The following UBAP2L variants were observed in gnomAD, a reference collection of about 807,000 sequenced individuals.
The protein encoded by UBAP2L is ubiquitin-associated protein 2-like.
Under a neutral mutation model 130.6 loss-of-function variants are expected in UBAP2L, and 12 were observed. The ratio of observed to expected loss-of-function variants is 0.09; its 90% CI spans 0.06 to 0.15. UBAP2L has a LOEUF of 0.15. Ranked by LOEUF, UBAP2L falls within the 10% of genes least tolerant of loss-of-function variation. The probability of loss-of-function intolerance (pLI) is 1.00; values close to 1 mark genes in which losing one functional copy is unlikely to be tolerated. For missense variants in UBAP2L, 965 were observed against 1,332.5 expected (o/e 0.72, Z 4.29); for synonymous variants, 503 against 524.7 (o/e 0.96, Z 0.57).
intron 12 of UBAP2L, among the ~76,000 whole-genome samples, chr1:154,249,867 A>G (rs1014525054): frequency 4.3e-5 from 5 of 117,228 alleles, no homozygotes; most frequent in African/African-American, 1.5e-4. Flanking sequence ...CTTTCCGCAA[A>G]AAAAAAAAAA....
intron 22 of UBAP2L, 34 bp downstream of exon 22, chr1:154,260,063 G>A (rs1190147562): frequency 6.2e-7 from 1 of 1,603,644 alleles, no homozygotes; most frequent in South Asian, 1.1e-5. Flanking sequence ...AAATAAAAAG[G>A]GAGATAGTGT....
chr1:154,227,388 T>C, intron 3 of UBAP2L, 29 bp downstream of exon 3: 9 of 1,583,122 alleles, frequency 5.7e-6, no homozygotes, highest in Non-Finnish European at 7.8e-6. Context: ...TACTGTACAC[T>C]ATGAGAAAAG....
intron 11 of UBAP2L, among the ~76,000 whole-genome samples, chr1:154,248,768 A>T (rs1676504253): frequency 6.6e-6 from 1 of 152,186 alleles, no homozygotes; most frequent in African/African-American, 2.4e-5. Flanking sequence ...GTGAGCCGAG[A>T]TAGCACCACT....
At chr1:154,269,104 C>A in intron 26 of UBAP2L, 150 bp downstream of exon 26, 2 of 1,023,082 alleles carry the variant, frequency 2.0e-6, no homozygotes, top group Non-Finnish European at 2.9e-6. Context: ...CATACAGACA[C>A]AAGCGCACAT....
chr1:154,226,530 T>C (rs972262073), intron 2 of UBAP2L, among the ~76,000 whole-genome samples: 2 of 152,212 alleles, frequency 1.3e-5, no homozygotes, highest in Admixed American at 1.3e-4. Context: ...TAATACTTAG[T>C]TGGGGCAGTA....
chr1:154,245,233 CT>C (rs761909993), intron 10 of UBAP2L, among the ~76,000 whole-genome samples: 1 of 152,192 alleles, frequency 6.6e-6, no homozygotes, highest in Non-Finnish European at 1.5e-5. Context: ...CTTATCTGGT[CT>C]TTCTAGTGAC....
At chr1:154,221,455 C>T (rs1437283046) in intron 1 of UBAP2L, 1 of 152,908 alleles carries the variant, frequency 6.5e-6, no homozygotes, top group Non-Finnish European at 1.5e-5. Context: ...CCTCCCTTTC[C>T]ACCCACTGCG....
intron 20 of UBAP2L, 162 bp downstream of exon 20, chr1:154,257,596 A>T (rs1680058868): frequency 2.8e-6 from 2 of 702,712 alleles, no homozygotes; most frequent in African/African-American, 1.8e-5. Flanking sequence ...TGCATTCTGT[A>T]AATGTGGCCG....
chr1:154,270,785 T>TTA lies in UBAP2L; in HGVS notation c.*491_*492insAT. 1 of 1,306,162 alleles carries TTA rather than the reference T, an allele frequency of 7.7e-7. No homozygotes were observed. The highest frequency in any genetic ancestry group is 9.9e-7 in the Non-Finnish European group (1 of 1,014,352). 80.9% of individuals were successfully genotyped at this position (1,306,162 alleles called of 1,614,324 possible). ...TTTTTTTTTTGTTTTTTTTTTTTTT[T>TTA]TGTACTGTGTCCTCAAATTTAATGG... On this transcript the variant is annotated 3_prime_UTR_variant, in exon 27 of 27. Coordinates refer to ENST00000428931, the MANE Select transcript of UBAP2L (RefSeq NM_014847.4).
At chr1:154,242,932 AT>A (rs1172214465) in intron 9 of UBAP2L, 3,465 of 168,010 alleles carry the variant, frequency 0.021, no homozygotes, top group Middle Eastern at 0.058. Flanking sequence ...TCTTTCTTTT[AT>A]TTTTTTTTTT....
intron 8 of UBAP2L, 45 bp downstream of exon 8, chr1:154,237,181 G>C: frequency 6.5e-7 from 1 of 1,538,306 alleles, no homozygotes; most frequent in Non-Finnish European, 9.0e-7. Flanking sequence ...GGGAATCTAA[G>C]GAAATAGTTT....
At chr1:154,237,403 A>G (rs1414313483) in intron 8 of UBAP2L, among the ~76,000 whole-genome samples, 1 of 152,244 alleles carries the variant, frequency 6.6e-6, no homozygotes, top group Admixed American at 6.5e-5. Context: ...TAAGGCCGAA[A>G]GAGAGGTTAT....
rs754330036 is a variant in UBAP2L, at chr1:154,257,178, G to C, written c.2273G>C (p.Ser758Thr). 1 of 1,614,180 alleles carries C rather than the reference G, an allele frequency of 6.2e-7. No individual in the cohort carries two copies. The highest frequency in any genetic ancestry group is 1.1e-5 in the South Asian group (1 of 91,078). Residue 758 changes from serine (S) to threonine (T), a missense_variant, in exon 19 of 27, where the codon AGT becomes ACT. Ser to Thr is a moderately conservative substitution (Grantham distance 58). This residue lies in a region of UBAP2L where 393 missense variants were observed against 408.1 expected (regional missense o/e 0.96). Coordinates refer to ENST00000428931, the MANE Select transcript of UBAP2L (RefSeq NM_014847.4). ...PVVSVSSSLN[S>T]GSSLGLSLGS... ...GTCAGTGTCTCCTCCAGTCTCAATA[G>C]TGGCAGTAGCCTGGGCCTCAGCCTA...
intron 24 of UBAP2L, among the ~76,000 whole-genome samples, chr1:154,263,976 C>A (rs1194599): frequency 0.65 from 99,153 of 152,026 alleles, 33,386 homozygotes; most frequent in East Asian, 0.96. Context: ...GGCTCTGTGG[C>A]GACTGTGCTA....
chr1:154,264,761 T>A (rs1401060783), intron 24 of UBAP2L, among the ~76,000 whole-genome samples: 10 of 152,300 alleles, frequency 6.6e-5, no homozygotes, highest in Admixed American at 2.6e-4. Context: ...TTTTTTATTT[T>A]TTTTTTGCCT....
intron 25 of UBAP2L, among the ~76,000 whole-genome samples, chr1:154,267,161 T>G (rs964819432): frequency 2.7e-5 from 4 of 148,446 alleles, no homozygotes; most frequent in Admixed American, 6.7e-5. Context: ...GTTTTTTTTT[T>G]TTTTTTTTTT....
At chr1:154,221,214 C>G (rs1178542667) in intron 1 of UBAP2L, 1 of 152,272 alleles carries the variant, frequency 6.6e-6, no homozygotes, top group Non-Finnish European at 1.5e-5. Context: ...AGTCGGCCCC[C>G]GGAGGTTTTG....
At position 154,240,494 on chromosome 1, in the gene UBAP2L, A is replaced by G. The variant is rs187335996; in HGVS notation, c.704-1019A>G. ...CATAGCAGGTCAGGTTTCAAGTTCT[A>G]TATGAGTAAGGTTAGGACAGTAACT... On this transcript the variant is annotated intron_variant, in intron 8 of 26. Coordinates refer to ENST00000428931, the MANE Select transcript of UBAP2L (RefSeq NM_014847.4). Among the ~76,000 whole-genome samples the G allele has an allele frequency of 2.2e-3, 340 of 152,270 alleles. 5 individuals carry two copies. Among genetic ancestry groups the G allele is most frequent in the Non-Finnish European group, 4.7e-4 (32 of 68,022 alleles).
intron 26 of UBAP2L, chr1:154,269,245 C>T: frequency 9.3e-7 from 1 of 1,074,384 alleles, no homozygotes; most frequent in South Asian, 1.4e-5. Context: ...TCACACCTTC[C>T]CTCTTTCCTC....
Sources: gnomAD v4.1 joint callset for allele counts (sites outside exome capture counted in the v4.1 genomes callset) on GRCh38, gnomAD v4.1.1 for gene constraint, gnomAD v4.1.1 regional missense constraint, MANE v1.5 for transcripts, NCBI Gene and HGNC (gene_info 2026-07-23, HGNC 2026-07-21) for gene names.